The following NOL4 variants were observed in gnomAD, a reference collection of about 807,000 sequenced individuals.
The protein encoded by NOL4 is nucleolar protein 4, also known as cancer/testis antigen 125.
In NOL4, 17 loss-of-function variants were observed where a neutral mutation model predicts 75.9. The ratio of observed to expected loss-of-function variants is 0.22; its 90% CI spans 0.15 to 0.34. The LOEUF (loss-of-function observed/expected upper bound fraction) is 0.34. Among genes scored for constraint, NOL4 ranks in the 10% least tolerant of loss-of-function variants. The pLI is 1.00. For missense variants in NOL4, 614 were observed against 793.5 expected (o/e 0.77, Z 2.72); for synonymous variants, 292 against 289.9 (o/e 1.01, Z -0.07).
At position 34,105,029 on chromosome 18, in the gene NOL4, C is replaced by T. The variant is rs758798543; in HGVS notation, c.526+20G>A. 2 of 1,450,824 alleles carry T rather than the reference C, an allele frequency of 1.4e-6. No individual in the cohort carries two copies. The highest frequency in any genetic ancestry group is 1.2e-5 in the South Asian group (1 of 86,578). The allele number at this position is 1,450,824 out of a possible 1,614,324, so 89.9% of individuals were successfully genotyped here. A position where few individuals can be genotyped will look rare whatever the true frequency, so the allele number is the denominator to read the frequency against. ...ATGAATAAAATTACTTTAAATCTCA[C>T]TATTTGACACTGCAGCTACCTTTAT... is the stretch of plus-strand genomic sequence containing the variant. On this transcript the variant is annotated intron_variant, in intron 3 of 10. Coordinates refer to ENST00000261592, the MANE Select transcript of NOL4 (RefSeq NM_003787.5).
intron 9 of NOL4, among the ~76,000 whole-genome samples, chr18:33,888,721 A>G (rs748322032): frequency 3.3e-5 from 5 of 152,012 alleles, no homozygotes; most frequent in Non-Finnish European, 7.4e-5. Context: ...CAAAGATCAG[A>G]TGGTTGTAGA....
intron 9 of NOL4, among the ~76,000 whole-genome samples, chr18:33,921,886 C>G (rs530134397): frequency 1.3e-5 from 2 of 152,266 alleles, no homozygotes; most frequent in Non-Finnish European, 2.9e-5. Flanking sequence ...ATCTGATCCT[C>G]CTACCCTACT....
At chr18:33,951,337 T>G (rs1290204466) in intron 8 of NOL4, among the ~76,000 whole-genome samples, 1 of 152,144 alleles carries the variant, frequency 6.6e-6, no homozygotes, top group African/African-American at 2.4e-5. Flanking sequence ...CTTAGTACTT[T>G]GAAGAAATTG....
intron 8 of NOL4, among the ~76,000 whole-genome samples, chr18:33,951,029 A>G (rs2069182072): frequency 6.6e-6 from 1 of 152,172 alleles, no homozygotes; most frequent in Non-Finnish European, 1.5e-5. Flanking sequence ...AAGCTCAGAG[A>G]TAGAAAATCA....
intron 6 of NOL4, among the ~76,000 whole-genome samples, chr18:34,018,807 A>G (rs1403260788): frequency 2.6e-5 from 4 of 152,208 alleles, no homozygotes; most frequent in Admixed American, 1.3e-4. Context: ...AAAATAATTA[A>G]TCCACAAACT....
intron 6 of NOL4, among the ~76,000 whole-genome samples, chr18:33,979,530 T>C (rs2071776233): frequency 6.6e-6 from 1 of 152,028 alleles, no homozygotes; most frequent in South Asian, 2.1e-4. Context: ...ATTATGACAT[T>C]AAAAATACTA....
chr18:34,035,557 T>C (rs963669122), intron 5 of NOL4, among the ~76,000 whole-genome samples: 1 of 151,666 alleles, frequency 6.6e-6, no homozygotes, highest in East Asian at 1.9e-4. Flanking sequence ...TTTCAAATAA[T>C]CTAATGATGA....
intron 6 of NOL4, among the ~76,000 whole-genome samples, chr18:34,004,311 C>T (rs933110235): frequency 2.6e-5 from 4 of 152,168 alleles, no homozygotes; most frequent in East Asian, 1.9e-4. Context: ...TTCTCAAGCT[C>T]GCCCAAGGCT....
chr18:34,164,151 T>A (rs1458296249), intron 1 of NOL4, among the ~76,000 whole-genome samples: 1 of 152,066 alleles, frequency 6.6e-6, no homozygotes, highest in African/African-American at 2.4e-5. Context: ...GAAGAAAACC[T>A]AGGCATTACC....
chr18:34,083,729 T>C (rs1413662820), intron 5 of NOL4, among the ~76,000 whole-genome samples: 2 of 152,220 alleles, frequency 1.3e-5, no homozygotes, highest in Non-Finnish European at 2.9e-5. Flanking sequence ...GTCTTCTTAA[T>C]GAATTCACTT....
In NOL4 at chr18:34,224,143, A is replaced by G. The variant is rs1298954980; in HGVS notation, c.-890T>C. The G allele has an allele frequency of 6.6e-6, 1 of 152,330 alleles. No individual in the cohort carries two copies. The highest frequency in any genetic ancestry group is 1.5e-5 in the Non-Finnish European group (1 of 68,114). 9.4% of individuals were successfully genotyped at this position (152,330 alleles called of 1,614,324 possible). A position where few individuals can be genotyped will look rare whatever the true frequency, so the allele number is the denominator to read the frequency against. The stretch of plus-strand genomic sequence containing the variant: ...ATATCCGTTCCAGGGGGATGTGGGT[A>G]ACCGAAGGCAGGCCGCTGGCGGCGG... On this transcript the variant is annotated 5_prime_UTR_variant, in exon 1 of 11. Transcript: ENST00000261592.
chr18:33,966,485 T>C (rs1049741025), intron 6 of NOL4, among the ~76,000 whole-genome samples: 2 of 152,100 alleles, frequency 1.3e-5, no homozygotes, highest in Non-Finnish European at 2.9e-5. Context: ...GCCATCAAAA[T>C]AGAAAAGGCA....
At chr18:33,888,236 G>C (rs1188452359) in intron 9 of NOL4, among the ~76,000 whole-genome samples, 1 of 152,126 alleles carries the variant, frequency 6.6e-6, no homozygotes, top group Non-Finnish European at 1.5e-5. Flanking sequence ...AGAAGTGTCT[G>C]TTCATATCCT....
At chr18:33,947,863 T>C (rs1442525942) in intron 8 of NOL4, among the ~76,000 whole-genome samples, 1 of 151,864 alleles carries the variant, frequency 6.6e-6, no homozygotes, top group Non-Finnish European at 1.5e-5. Context: ...ATGGAGCTTT[T>C]GGAGTTTAAA....
chr18:34,135,420 G>A (rs542470164), intron 1 of NOL4, among the ~76,000 whole-genome samples: 82 of 151,996 alleles, frequency 5.4e-4, no homozygotes, highest in African/African-American at 1.7e-3. Context: ...TATTCACAGC[G>A]GGGTGCGGTG....
intron 1 of NOL4, among the ~76,000 whole-genome samples, chr18:34,141,304 G>T (rs1282403772): frequency 6.6e-6 from 1 of 152,090 alleles, no homozygotes; most frequent in Non-Finnish European, 1.5e-5. Flanking sequence ...AGCTACCAAT[G>T]ACTTTCTTCA....
chr18:34,083,142 G>A (rs373669518), intron 5 of NOL4, among the ~76,000 whole-genome samples: 3 of 152,202 alleles, frequency 2.0e-5, no homozygotes, highest in East Asian at 3.9e-4. Flanking sequence ...ACACATGTAC[G>A]TTCAAGATGG....
intron 6 of NOL4, among the ~76,000 whole-genome samples, chr18:33,964,586 A>G (rs2070428310): frequency 6.6e-6 from 1 of 152,184 alleles, no homozygotes; most frequent in Non-Finnish European, 1.5e-5. Context: ...ATCTAGAAAC[A>G]GTGGTTCTCA....
At chr18:34,059,154 T>TATATAC (rs2076965593) in intron 5 of NOL4, among the ~76,000 whole-genome samples, 1 of 136,130 alleles carries the variant, frequency 7.3e-6, no homozygotes, top group Non-Finnish European at 1.6e-5. Context: ...TATATATATA[T>TATATAC]ATACACATGC....
Sources: allele counts gnomAD v4.1 joint callset (sites outside exome capture counted in the v4.1 genomes callset), GRCh38; gene constraint gnomAD v4.1.1; transcripts MANE v1.5; gene names NCBI Gene and HGNC (gene_info 2026-07-23, HGNC 2026-07-21).